The following PCBP1 variants were observed in gnomAD, a reference collection of about 807,000 sequenced individuals.
The protein encoded by PCBP1 is poly(rC) binding protein 1, also known as poly(rC)-binding protein 1.
For missense variants in PCBP1, 244 were observed against 474.4 expected, an observed-to-expected ratio of 0.51 and a Z score of 4.51; for synonymous variants, 284 against 195.8, an observed-to-expected ratio of 1.45 and a Z score of -3.76.
In PCBP1 at chr2:70,087,875, C is replaced by A; in HGVS notation, c.132C>A (p.Gly44=). ...TTAAGAGGATCCGCGAGGAGAGTGG[C>A]GCGCGGATCAACATCTCGGAGGGGA... ...ESVKRIREES[G]ARINISEGNC... Residue 44 remains glycine (G), a synonymous_variant, in exon 1 of 1, where the codon GGC becomes GGA. Coordinates refer to ENST00000303577, the MANE Select transcript of PCBP1 (RefSeq NM_006196.4). 1 of 1,611,952 alleles carries A rather than the reference C, an allele frequency of 6.2e-7. No homozygotes were observed. Among genetic ancestry groups the A allele is most frequent in the Non-Finnish European group, 8.5e-7 (1 of 1,178,596 alleles).
chr2:70,087,682 A>C lies in PCBP1; in HGVS notation c.-62A>C. On this transcript the variant is annotated 5_prime_UTR_variant, in exon 1 of 1. Coordinates refer to ENST00000303577, the MANE Select transcript of PCBP1 (RefSeq NM_006196.4). ...GGCCTACACCTCCCCTCCCCCCGCCAGCCGCCAAAGACTTGACCACGTAAC... is the reference window on the plus strand; with the variant it reads ...GGCCTACACCTCCCCTCCCCCCGCCCGCCGCCAAAGACTTGACCACGTAAC... 8.7e-7 allele frequency: 1 copy of C among 1,154,066 alleles called. No individual in the cohort carries two copies. The highest frequency in any genetic ancestry group is 1.2e-6 in the Non-Finnish European group (1 of 814,484). The allele number at this position is 1,154,066 out of a possible 1,614,324, so 71.5% of individuals were successfully genotyped here. A position where few individuals can be genotyped will look rare whatever the true frequency, so the allele number is the denominator to read the frequency against.
rs1249289520 is a variant in PCBP1, at chr2:70,088,706, C to G, written c.963C>G (p.Gly321=). 6.8e-6 allele frequency: 11 copies of G among 1,614,080 alleles called. No individual in the cohort carries two copies. Among genetic ancestry groups the G allele is most frequent in the Non-Finnish European group, 9.3e-6 (11 of 1,180,004 alleles). ...AQIKIANPVE[G]SSGRQVTITG... is the part of the protein sequence containing the mutation. ...TCAAAATTGCCAACCCAGTGGAAGG[C>G]TCCTCTGGTAGGCAGGTTACTATCA... The change falls in exon 1 of 1, where the codon GGC becomes GGG. Residue 321 remains glycine, a synonymous_variant. Coordinates refer to ENST00000303577, the MANE Select transcript of PCBP1 (RefSeq NM_006196.4). The surrounding 1 kb of genome is among the most constrained non-coding windows in gnomAD (Gnocchi z 4.5).
chr2:70,087,576 C>T lies in PCBP1; in HGVS notation c.-168C>T, dbSNP rs1295843983. 4.1e-6 allele frequency: 1 copy of T among 245,068 alleles called. No homozygotes were observed. Among genetic ancestry groups the T allele is most frequent in the African/African-American group, 2.3e-5 (1 of 42,914 alleles). The allele number at this position is 245,068 out of a possible 1,614,324, so 15.2% of individuals were successfully genotyped here. A position where few individuals can be genotyped will look rare whatever the true frequency, so the allele number is the denominator to read the frequency against. ...GCTCGCCCCCTCCGCCGCCGCCGCC[C>T]GCCCCTGCGACTACGCTGCGGCCTC... is the stretch of plus-strand genomic sequence containing the variant. On this transcript the variant is annotated 5_prime_UTR_variant, in exon 1 of 1. Coordinates refer to ENST00000303577, the MANE Select transcript of PCBP1 (RefSeq NM_006196.4).
Position 70,088,918 on chromosome 2 carries a change from C to A in PCBP1, c.*104C>A. On this transcript the variant is annotated 3_prime_UTR_variant, in exon 1 of 1. Coordinates refer to ENST00000303577, the MANE Select transcript of PCBP1 (RefSeq NM_006196.4). This position sits in a 1 kb window ranked among gnomAD's most constrained non-coding sequence, Gnocchi z 4.5. ...AGGTTTTAAATAATTTGTAAGTGTT[C>A]AGTTTCTACACAACTTTATCATCCG... 1 of 772,144 alleles carries A rather than the reference C, an allele frequency of 1.3e-6. No individual in the cohort carries two copies. The highest frequency in any genetic ancestry group is 2.1e-6 in the Non-Finnish European group (1 of 482,538). The allele number at this position is 772,144 out of a possible 1,614,324, so 47.8% of individuals were successfully genotyped here.
In PCBP1 at chr2:70,087,696, T is replaced by G. The variant is rs1356230484; in HGVS notation, c.-48T>G. The G allele has an allele frequency of 7.6e-7, 1 of 1,311,522 alleles. No homozygotes were observed. The highest frequency in any genetic ancestry group is 2.2e-5 in the Admixed American group (1 of 44,852). The allele number at this position is 1,311,522 out of a possible 1,614,324, so 81.2% of individuals were successfully genotyped here. ...CTCCCCCCGCCAGCCGCCAAAGACTTGACCACGTAACGAGCCCAACTCCCC... is the reference window on the plus strand; with the variant it reads ...CTCCCCCCGCCAGCCGCCAAAGACTGGACCACGTAACGAGCCCAACTCCCC... On this transcript the variant is annotated 5_prime_UTR_variant, in exon 1 of 1. Transcript: ENST00000303577.
In PCBP1 at chr2:70,087,770, A is replaced by G. The variant is rs758185408; in HGVS notation, c.27A>G (p.Gly9=). 1 of 1,564,110 alleles carries G rather than the reference A, an allele frequency of 6.4e-7. No individual in the cohort carries two copies. Among genetic ancestry groups the G allele is most frequent in the Non-Finnish European group, 8.7e-7 (1 of 1,152,088 alleles). Residue 9 remains glycine (G), a synonymous_variant, in exon 1 of 1, where the codon GGA becomes GGG. Transcript: ENST00000303577. MDAGVTES[G]LNVTLTIRLL... is the part of the protein sequence containing the mutation. The stretch of plus-strand genomic sequence containing the variant: ...TGGATGCCGGTGTGACTGAAAGTGG[A>G]CTAAATGTGACTCTCACCATTCGGC...
In PCBP1 at chr2:70,088,169, C is replaced by T. The variant is rs147335315; in HGVS notation, c.426C>T (p.Thr142=). ...CGGGGGATATGCTGCCCAACTCCAC[C>T]GAGCGGGCCATCACCATCGCTGGCG... ...QVAGDMLPNS[T]ERAITIAGVP... The change falls in exon 1 of 1, where the codon ACC becomes ACT. Residue 142 remains threonine, a synonymous_variant. Transcript: ENST00000303577. This position sits in a 1 kb window ranked among gnomAD's most constrained non-coding sequence, Gnocchi z 4.5. 5.6e-6 allele frequency: 9 copies of T among 1,613,896 alleles called. No individual in the cohort carries two copies. In the East Asian group the frequency reaches 6.7e-5, roughly 12 times the overall value.
Position 70,089,006 on chromosome 2 carries a change from A to C in PCBP1, c.*192A>C. ...AATGCTGGGATCCATATTTAGTTTT[A>C]TAAGCTTTTCCCTGTTTTTAGTTTT... On this transcript the variant is annotated 3_prime_UTR_variant, in exon 1 of 1. Coordinates refer to ENST00000303577, the MANE Select transcript of PCBP1 (RefSeq NM_006196.4). 1 of 506,068 alleles carries C rather than the reference A, an allele frequency of 2.0e-6. No individual in the cohort carries two copies. The highest frequency in any genetic ancestry group is 3.5e-6 in the Non-Finnish European group (1 of 283,018). 31.3% of individuals were successfully genotyped at this position (506,068 alleles called of 1,614,324 possible).
rs780734416 is a variant in PCBP1, at chr2:70,088,634, C to G, written c.891C>G (p.Arg297=). ...PNNLIGCIIG[R]QGANINEIRQ... ...ACTTAATTGGCTGCATAATCGGGCGCCAAGGCGCCAACATTAATGAGATCC... is the reference window on the plus strand; with the variant it reads ...ACTTAATTGGCTGCATAATCGGGCGGCAAGGCGCCAACATTAATGAGATCC... Residue 297 remains arginine (R), a synonymous_variant, in exon 1 of 1, where the codon CGC becomes CGG. Coordinates refer to ENST00000303577, the MANE Select transcript of PCBP1 (RefSeq NM_006196.4). The surrounding 1 kb of genome is among the most constrained non-coding windows in gnomAD (Gnocchi z 4.5). 2.5e-6 allele frequency: 4 copies of G among 1,614,238 alleles called. No homozygotes were observed. The Admixed American group carries it at 6.7e-5, about 27-fold the overall frequency.
In PCBP1 at chr2:70,088,260, T is replaced by C; in HGVS notation, c.517T>C (p.Ser173Pro). ...CLVMLETLSQ[S>P]PQGRVMTIPY... ...GGTCATGCTGGAGACGCTCTCCCAGTCTCCGCAAGGGAGAGTCATGACCAT... is the reference window on the plus strand; with the variant it reads ...GGTCATGCTGGAGACGCTCTCCCAGCCTCCGCAAGGGAGAGTCATGACCAT... Residue 173 changes from serine (S) to proline (P), a missense_variant, in exon 1 of 1, where the codon TCT becomes CCT. Transcript: ENST00000303577. This position sits in a 1 kb window ranked among gnomAD's most constrained non-coding sequence, Gnocchi z 4.5. 6.2e-7 allele frequency: 1 copy of C among 1,613,680 alleles called. No homozygotes were observed. Among genetic ancestry groups the C allele is most frequent in the Non-Finnish European group, 8.5e-7 (1 of 1,180,002 alleles).
rs1671384687 is a variant in PCBP1, at chr2:70,088,938, C to T, written c.*124C>T. The T allele has an allele frequency of 9.0e-6, 6 of 665,672 alleles. No homozygotes were observed. Among genetic ancestry groups the T allele is most frequent in the Middle Eastern group, 8.4e-4 (2 of 2,384 alleles). The allele number at this position is 665,672 out of a possible 1,614,324, so 41.2% of individuals were successfully genotyped here. ...GTGTTCAGTTTCTACACAACTTTAT[C>T]ATCCGCTAAGAATTTAAAAATCACA... On this transcript the variant is annotated 3_prime_UTR_variant, in exon 1 of 1. Coordinates refer to ENST00000303577, the MANE Select transcript of PCBP1 (RefSeq NM_006196.4). The surrounding 1 kb of genome is among the most constrained non-coding windows in gnomAD (Gnocchi z 4.5).
At position 70,089,107 on chromosome 2, in the gene PCBP1, TCA is replaced by T; in HGVS notation, c.*294_*295del. 1 of 334,370 alleles carries T rather than the reference TCA, an allele frequency of 3.0e-6. No homozygotes were observed. Among genetic ancestry groups the T allele is most frequent in the Non-Finnish European group, 5.7e-6 (1 of 174,252 alleles). The allele number at this position is 334,370 out of a possible 1,614,324, so 20.7% of individuals were successfully genotyped here. On this transcript the variant is annotated 3_prime_UTR_variant, in exon 1 of 1. Transcript: ENST00000303577. ...TGTAAGAGTGGAATGTTAATAAATT[TCA>T]GTTTAGTTCTGTAATGTCAAGAATT...
At position 70,089,014 on chromosome 2, in the gene PCBP1, T is replaced by C. The variant is rs1671386199; in HGVS notation, c.*200T>C. 1 of 479,396 alleles carries C rather than the reference T, an allele frequency of 2.1e-6. No homozygotes were observed. Among genetic ancestry groups the C allele is most frequent in the Admixed American group, 3.8e-5 (1 of 26,368 alleles). The allele number at this position is 479,396 out of a possible 1,614,324, so 29.7% of individuals were successfully genotyped here. A position where few individuals can be genotyped will look rare whatever the true frequency, so the allele number is the denominator to read the frequency against. On this transcript the variant is annotated 3_prime_UTR_variant, in exon 1 of 1. Coordinates refer to ENST00000303577, the MANE Select transcript of PCBP1 (RefSeq NM_006196.4). The stretch of plus-strand genomic sequence containing the variant: ...GATCCATATTTAGTTTTATAAGCTT[T>C]TCCCTGTTTTTAGTTTTGTTTTGGG...
At position 70,087,755 on chromosome 2, in the gene PCBP1, T is replaced by C; in HGVS notation, c.12T>C (p.Gly4=). The C allele has an allele frequency of 1.9e-6, 3 of 1,545,934 alleles. No homozygotes were observed. Among genetic ancestry groups the C allele is most frequent in the Non-Finnish European group, 2.6e-6 (3 of 1,141,508 alleles). Residue 4 remains glycine, a synonymous_variant, in exon 1 of 1, where the codon GGT becomes GGC. Transcript: ENST00000303577. MDA[G]VTESGLNVTL... is the part of the protein sequence containing the mutation. ...GCCCGCCGCTCGCCATGGATGCCGG[T>C]GTGACTGAAAGTGGACTAAATGTGA... is the stretch of plus-strand genomic sequence containing the variant.
Position 70,087,760 on chromosome 2 carries a change from C to A in PCBP1, c.17C>A (p.Thr6Asn). Reference sequence around the variant, plus strand: ...CCGCTCGCCATGGATGCCGGTGTGACTGAAAGTGGACTAAATGTGACTCTC... The same window carrying A: ...CCGCTCGCCATGGATGCCGGTGTGAATGAAAGTGGACTAAATGTGACTCTC... The part of the protein sequence containing the change: MDAGV[T>N]ESGLNVTLTI... Residue 6 changes from threonine (T) to asparagine (N), a missense_variant, in exon 1 of 1, where the codon ACT becomes AAT. Thr to Asn is a moderately conservative substitution (Grantham distance 65). Transcript: ENST00000303577. 6.4e-7 allele frequency: 1 copy of A among 1,552,822 alleles called. No homozygotes were observed. Among genetic ancestry groups the A allele is most frequent in the Non-Finnish European group, 8.7e-7 (1 of 1,145,180 alleles).
rs1407789677 is a variant in PCBP1, at chr2:70,089,122, A to C, written c.*308A>C. 1.0e-5 allele frequency: 3 copies of C among 285,898 alleles called. No homozygotes were observed. The highest frequency in any genetic ancestry group is 2.1e-5 in the Non-Finnish European group (3 of 144,330). The allele number at this position is 285,898 out of a possible 1,614,324, so 17.7% of individuals were successfully genotyped here. The stretch of plus-strand genomic sequence containing the variant: ...TTAATAAATTTCAGTTTAGTTCTGT[A>C]ATGTCAAGAATTTAAGAATTAAAAA... On this transcript the variant is annotated 3_prime_UTR_variant, in exon 1 of 1. Transcript: ENST00000303577.
In PCBP1 at chr2:70,087,639, C is replaced by G. The variant is rs1671348824; in HGVS notation, c.-105C>G. 2.9e-6 allele frequency: 2 copies of G among 681,508 alleles called. No individual in the cohort carries two copies. The highest frequency in any genetic ancestry group is 2.3e-6 in the Non-Finnish European group (1 of 430,000). 42.2% of individuals were successfully genotyped at this position (681,508 alleles called of 1,614,324 possible). A position where few individuals can be genotyped will look rare whatever the true frequency, so the allele number is the denominator to read the frequency against. ...GCTCGCTCCCGCGGCCCTCGCTCGC[C>G]TCGCGCCGGCAGTTTTGGGCCTACA... On this transcript the variant is annotated 5_prime_UTR_variant, in exon 1 of 1. Transcript: ENST00000303577.
rs1477971437 is a variant in PCBP1, at chr2:70,088,396, C to T, written c.653C>T (p.Pro218Leu). The change falls in exon 1 of 1, where the codon CCT (proline) becomes CTT (leucine). Residue 218 changes from proline to leucine, a missense_variant. By Grantham distance (98) the Pro-to-Leu change is moderately conservative. Coordinates refer to ENST00000303577, the MANE Select transcript of PCBP1 (RefSeq NM_006196.4). The surrounding 1 kb of genome is among the most constrained non-coding windows in gnomAD (Gnocchi z 4.5). ...PHATHDLEGPPLDAYSIQGQH... is the reference protein window; with the variant it reads ...PHATHDLEGPLLDAYSIQGQH... ...GCCACCCATGACCTGGAGGGACCAC[C>T]TCTAGATGCCTACTCGATTCAAGGA... 3.7e-6 allele frequency: 6 copies of T among 1,614,018 alleles called. No individual in the cohort carries two copies. The highest frequency in any genetic ancestry group is 2.2e-5 in the East Asian group (1 of 44,898).
Position 70,089,035 on chromosome 2 carries a change from T to G in PCBP1, c.*221T>G. The G allele has an allele frequency of 2.2e-6, 1 of 452,416 alleles. No homozygotes were observed. The highest frequency in any genetic ancestry group is 4.0e-6 in the Non-Finnish European group (1 of 248,080). The allele number at this position is 452,416 out of a possible 1,614,324, so 28.0% of individuals were successfully genotyped here. A position where few individuals can be genotyped will look rare whatever the true frequency, so the allele number is the denominator to read the frequency against. On this transcript the variant is annotated 3_prime_UTR_variant, in exon 1 of 1. Transcript: ENST00000303577. ...GCTTTTCCCTGTTTTTAGTTTTGTT[T>G]TGGGTTTTTTGGCTCATGAATTTTA...
Sources: allele counts gnomAD v4.1 joint callset, GRCh38; gene constraint gnomAD v4.1.1; non-coding constraint Gnocchi (gnomAD v3.1); transcripts MANE v1.5; gene names NCBI Gene and HGNC (gene_info 2026-07-23, HGNC 2026-07-21).